The following SKAP2 variants were observed in gnomAD, a reference collection of about 807,000 sequenced individuals.
SKAP2 encodes src kinase associated phosphoprotein 2, also known as src kinase-associated phosphoprotein 2.
SKAP2 carries 28 observed loss-of-function variants against 54.9 expected under a neutral mutation model. The ratio of observed to expected loss-of-function variants is 0.51; its 90% confidence interval spans 0.38 to 0.70. The LOEUF is 0.70. Among genes scored for constraint, SKAP2 ranks in the 30% least tolerant of loss-of-function variants. SKAP2 has a pLI of 0.00. For missense variants in SKAP2, 356 were observed against 424.1 expected (o/e 0.84, Z 1.41); for synonymous variants, 137 against 134.3 (o/e 1.02, Z -0.14).
chr7:26,857,387 A>T, intron 1 of SKAP2: 1 of 890,690 alleles, frequency 1.1e-6, no homozygotes, highest in Non-Finnish European at 1.3e-6. Flanking sequence ...GACTGTCCAC[A>T]ACCAAACTTG....
At chr7:26,760,877 C>G (rs894919251) in intron 4 of SKAP2, among the ~76,000 whole-genome samples, 1 of 152,044 alleles carries the variant, frequency 6.6e-6, no homozygotes, top group Non-Finnish European at 1.5e-5. Flanking sequence ...AAGCCAAAAG[C>G]ATATAGAATT....
At chr7:26,816,729 T>C (rs1020769275) in intron 4 of SKAP2, among the ~76,000 whole-genome samples, 2 of 151,928 alleles carry the variant, frequency 1.3e-5, no homozygotes, top group African/African-American at 4.8e-5. Flanking sequence ...GCAAAGAAAT[T>C]TGATAAGGCA....
In SKAP2 at chr7:26,713,594, CTTTTTTGTTTTT is replaced by C. The variant is rs558690086; in HGVS notation, c.796+11822_796+11833del. Among the ~76,000 whole-genome samples, 11 of 150,100 alleles carry C rather than the reference CTTTTTTGTTTTT, an allele frequency of 7.3e-5. No individual in the cohort carries two copies. The East Asian group carries it at 2.1e-3, about 29-fold the overall frequency. On this transcript the variant is annotated intron_variant, in intron 9 of 12. Transcript: ENST00000345317. The stretch of plus-strand genomic sequence containing the variant: ...TACAGTGCTAAGATGCTTATTTGTT[CTTTTTTGTTTTT>C]TTTTTTGTTTTTAGATGGAGTCTCG...
intron 6 of SKAP2, 66 bp downstream of exon 6, chr7:26,738,729 G>A (rs1483357164): frequency 2.5e-6 from 2 of 814,648 alleles, no homozygotes; most frequent in South Asian, 1.4e-5. Context: ...GTACTCAAAA[G>A]AGGGGGAAGG....
At chr7:26,705,789 G>GA (rs1217930635) in intron 9 of SKAP2, among the ~76,000 whole-genome samples, 22 of 152,160 alleles carry the variant, frequency 1.4e-4, no homozygotes, top group African/African-American at 5.3e-4. Flanking sequence ...TTAAACAACT[G>GA]ACAACGTACA....
intron 4 of SKAP2, among the ~76,000 whole-genome samples, chr7:26,800,080 C>T (rs1269377221): frequency 1.3e-5 from 2 of 151,934 alleles, no homozygotes; most frequent in African/African-American, 4.8e-5. Context: ...GCCAAGATTG[C>T]GCCACTGCAC....
At chr7:26,755,126 C>A (rs1450886823) in intron 4 of SKAP2, among the ~76,000 whole-genome samples, 1 of 152,160 alleles carries the variant, frequency 6.6e-6, no homozygotes, top group Non-Finnish European at 1.5e-5. Context: ...GTTTTATCTA[C>A]CTTAATATTG....
At chr7:26,666,658 C>T (rs1354370693), downstream of SKAP2, among the ~76,000 whole-genome samples, 1 of 152,106 alleles carries the variant, frequency 6.6e-6, no homozygotes, top group Non-Finnish European at 1.5e-5. Flanking sequence ...TCCCATGGTC[C>T]TATAATACTT....
intron 4 of SKAP2, among the ~76,000 whole-genome samples, chr7:26,769,583 C>T (rs915449588): frequency 1.4e-5 from 2 of 141,658 alleles, no homozygotes; most frequent in African/African-American, 5.6e-5. Context: ...TTTTCCTCAT[C>T]TTCATGGATT....
At chr7:26,862,141 T>C (rs917337014) in intron 1 of SKAP2, among the ~76,000 whole-genome samples, 2 of 152,032 alleles carry the variant, frequency 1.3e-5, no homozygotes, top group African/African-American at 4.8e-5. Context: ...AATCTAGTCA[T>C]ATACTATTAC....
intron 1 of SKAP2, chr7:26,858,021 A>G (rs3801805): frequency 0.21 from 32,497 of 152,192 alleles, 3,566 homozygotes; most frequent in Non-Finnish European, 0.24. Context: ...AGAAAAGGTC[A>G]GCCTCCCTCG....
intron 10 of SKAP2, among the ~76,000 whole-genome samples, chr7:26,685,520 G>A (rs1414057613): frequency 1.3e-5 from 2 of 152,120 alleles, no homozygotes; most frequent in Non-Finnish European, 1.5e-5. Flanking sequence ...TTTTTCAACC[G>A]ATTTTTGTCA....
At chr7:26,810,323 GA>G (rs1784116004) in intron 4 of SKAP2, among the ~76,000 whole-genome samples, 1 of 150,584 alleles carries the variant, frequency 6.6e-6, no homozygotes, top group Non-Finnish European at 1.5e-5. Context: ...GAAAAAAAAG[GA>G]AAGAAAAAGA....
chr7:26,779,910 C>A (rs890202597), intron 4 of SKAP2, among the ~76,000 whole-genome samples: 8 of 152,052 alleles, frequency 5.3e-5, no homozygotes, highest in Admixed American at 2.6e-4. Context: ...AGATGACCTG[C>A]ACTGACTAAG....
intron 4 of SKAP2, among the ~76,000 whole-genome samples, chr7:26,808,483 G>T (rs1422184646): frequency 6.6e-6 from 1 of 152,152 alleles, no homozygotes; most frequent in African/African-American, 2.4e-5. Flanking sequence ...TGAATGGGGA[G>T]TTACTGTTTA....
chr7:26,818,392 A>C lies in SKAP2; in HGVS notation c.307+25638T>G, dbSNP rs1224917992. 2.0e-5 allele frequency among the ~76,000 whole-genome samples: 3 copies of C among 152,342 alleles called. No individual in the cohort carries two copies. In the East Asian group the frequency reaches 5.8e-4, roughly 29 times the overall value. On this transcript the variant is annotated intron_variant, in intron 4 of 12. Coordinates refer to ENST00000345317, the MANE Select transcript of SKAP2 (RefSeq NM_003930.5). ...GGAAAACTGGCTAGCCATATGCAGA[A>C]AACTGAAACTGGACCCCTTCCTTAC... is the stretch of plus-strand genomic sequence containing the variant.
intron 4 of SKAP2, among the ~76,000 whole-genome samples, chr7:26,837,171 AC>A (rs1274278701): frequency 6.6e-6 from 1 of 151,880 alleles, no homozygotes; most frequent in Non-Finnish European, 1.5e-5. Context: ...AACATCACAC[AC>A]CATGGCCTGT....
chr7:26,774,078 C>T (rs891524823), intron 4 of SKAP2, among the ~76,000 whole-genome samples: 1 of 152,004 alleles, frequency 6.6e-6, no homozygotes, highest in Non-Finnish European at 1.5e-5. Context: ...TTCTGGAGGC[C>T]GAGGTGGGTG....
At chr7:26,747,558 AG>A (rs74731810) in intron 4 of SKAP2, among the ~76,000 whole-genome samples, 12,913 of 152,244 alleles carry the variant, frequency 0.085, 608 homozygotes, top group Middle Eastern at 0.16. Context: ...TAAAGGAGTT[AG>A]GGTGGAAATT....
Sources: allele counts gnomAD v4.1 joint callset (sites outside exome capture counted in the v4.1 genomes callset), GRCh38; gene constraint gnomAD v4.1.1; transcripts MANE v1.5; gene names NCBI Gene and HGNC (gene_info 2026-07-23, HGNC 2026-07-21).